RBFOX1: variants seen among roughly 807,000 people sequenced by gnomAD.
RBFOX1 encodes RNA binding fox-1 homolog 1, also known as RNA binding protein fox-1 homolog 1.
A neutral mutation model predicts 57.7 loss-of-function variants in RBFOX1; 8 were observed. The observed-to-expected ratio is 0.14, with a 90% confidence interval of 0.08 to 0.25. The LOEUF (loss-of-function observed/expected upper bound fraction) is 0.25. Among genes scored for constraint, RBFOX1 ranks in the 10% least tolerant of loss-of-function variants. RBFOX1 has a pLI of 1.00. For synonymous variants in RBFOX1, 326 were observed against 222.4 expected, an observed-to-expected ratio of 1.47 and a Z score of -4.15; for missense variants, 611 against 548.5, an observed-to-expected ratio of 1.11 and a Z score of -1.14.
chr16:5,426,340 G>GTTTTTAT (rs148474732), intron 1 of RBFOX1, among the ~76,000 whole-genome samples: 3 of 152,114 alleles, frequency 2.0e-5, no homozygotes, highest in African/African-American at 7.2e-5. Flanking sequence ...GTTGCTGAAT[G>GTTTTTAT]TTTTTATTTT....
chr16:6,212,553 A>T (rs2097305340), intron 1 of RBFOX1, among the ~76,000 whole-genome samples: 1 of 152,056 alleles, frequency 6.6e-6, no homozygotes, highest in Non-Finnish European at 1.5e-5. Flanking sequence ...TAAAAATACA[A>T]AAAATTAGTT....
chr16:6,632,675 C>T (rs1004926101), intron 2 of RBFOX1, among the ~76,000 whole-genome samples: 2 of 152,174 alleles, frequency 1.3e-5, no homozygotes, highest in South Asian at 2.1e-4. Context: ...TGATATCCGG[C>T]GAAGGCCTTC....
intron 4 of RBFOX1, among the ~76,000 whole-genome samples, chr16:7,510,845 T>C: frequency 6.6e-6 from 1 of 152,164 alleles, no homozygotes; most frequent in East Asian, 1.9e-4. Context: ...AGCCGCTGCT[T>C]TCCTGGGCTG....
chr16:5,240,112 G>C, intron 1 of RBFOX1: 1 of 1,513,176 alleles, frequency 6.6e-7, no homozygotes. Flanking sequence ...AGGAGTAAGT[G>C]ACGCGGGCGC....
chr16:5,314,406 C>T (rs967482896), intron 1 of RBFOX1, among the ~76,000 whole-genome samples: 1 of 152,240 alleles, frequency 6.6e-6, no homozygotes, highest in Non-Finnish European at 1.5e-5. Context: ...CTGTCCTTCT[C>T]TTGAGGGATC....
chr16:6,883,117 A>G (rs749203103), intron 3 of RBFOX1, among the ~76,000 whole-genome samples: 8 of 152,202 alleles, frequency 5.3e-5, no homozygotes, highest in Non-Finnish European at 7.3e-5. Flanking sequence ...GCTACAGTAT[A>G]TATCAAGCAG....
chr16:6,915,859 C>G (rs1430036162), intron 3 of RBFOX1, among the ~76,000 whole-genome samples: 1 of 152,118 alleles, frequency 6.6e-6, no homozygotes, highest in African/African-American at 2.4e-5. Context: ...GCCTTCATTC[C>G]TTTTTATAGT....
chr16:5,900,188 T>TG (rs988131777), intron 4 of RBFOX1, among the ~76,000 whole-genome samples: 4 of 152,220 alleles, frequency 2.6e-5, no homozygotes, highest in Admixed American at 2.6e-4. Flanking sequence ...CTCATTACAC[T>TG]CCAAATGTCA....
intron 13 of RBFOX1, among the ~76,000 whole-genome samples, chr16:7,675,801 G>A (rs1236418762): frequency 6.6e-6 from 1 of 152,084 alleles, no homozygotes; most frequent in East Asian, 1.9e-4. Flanking sequence ...GAGGATTATG[G>A]GACTGTGTGT....
chr16:7,314,750 C>T (rs1294705714), intron 4 of RBFOX1, among the ~76,000 whole-genome samples: 1 of 152,092 alleles, frequency 6.6e-6, no homozygotes, highest in Non-Finnish European at 1.5e-5. Context: ...GGGGAGAGGG[C>T]GAGTTGACTG....
chr16:7,187,545 C>T (rs1007217765), intron 4 of RBFOX1, among the ~76,000 whole-genome samples: 2 of 150,740 alleles, frequency 1.3e-5, no homozygotes, highest in African/African-American at 2.4e-5. Flanking sequence ...AAAAATTAGC[C>T]AGGCGTGGTG....
At chr16:6,130,298 A>G (rs1028373890) in intron 1 of RBFOX1, among the ~76,000 whole-genome samples, 7 of 152,258 alleles carry the variant, frequency 4.6e-5, no homozygotes, top group South Asian at 2.1e-4. Context: ...TATAGTTTTT[A>G]TATTTTAACA....
intron 3 of RBFOX1, among the ~76,000 whole-genome samples, chr16:7,013,849 G>C (rs1251968720): frequency 6.6e-6 from 1 of 151,928 alleles, no homozygotes; most frequent in Non-Finnish European, 1.5e-5. Context: ...GTAGAAATGG[G>C]GTCTCACCAT....
intron 1 of RBFOX1, among the ~76,000 whole-genome samples, chr16:6,220,003 C>A (rs1244147418): frequency 6.6e-6 from 1 of 152,140 alleles, no homozygotes; most frequent in Non-Finnish European, 1.5e-5. Flanking sequence ...TGTGTATCAT[C>A]CATCATCTAC....
chr16:5,488,067 GTGA>G (rs1223176120), intron 2 of RBFOX1, among the ~76,000 whole-genome samples: 14 of 152,040 alleles, frequency 9.2e-5, no homozygotes, highest in Non-Finnish European at 5.9e-5. Context: ...AGGTGTGATG[GTGA>G]TGATAATGGA....
At chr16:5,856,575 G>GTGTATATATATATATATATATATATATA (rs1192496608) in intron 3 of RBFOX1, among the ~76,000 whole-genome samples, 14 of 32,912 alleles carry the variant, frequency 4.3e-4, no homozygotes, top group Non-Finnish European at 5.7e-4. Flanking sequence ...GTGTGTGTGT[G>GTGTATATATATATATATATATATATATA]TATATATATA....
intron 3 of RBFOX1, among the ~76,000 whole-genome samples, chr16:6,743,891 G>A (rs1182332839): frequency 1.3e-5 from 2 of 149,548 alleles, no homozygotes; most frequent in African/African-American, 5.0e-5. Flanking sequence ...ATTAATTAAG[G>A]ATATTAACCA....
chr16:6,088,096 A>C (rs1045789277), intron 1 of RBFOX1, among the ~76,000 whole-genome samples: 72 of 152,196 alleles, frequency 4.7e-4, no homozygotes, highest in Non-Finnish European at 1.9e-4. Context: ...GAAGAGGTTC[A>C]CCGTCTCGTT....
chr16:6,905,629 C>T (rs184222193), intron 3 of RBFOX1, among the ~76,000 whole-genome samples: 61 of 152,038 alleles, frequency 4.0e-4, no homozygotes, highest in Admixed American at 6.6e-4. Flanking sequence ...GTGTTTATTC[C>T]AATTTTCCCC....
Sources: allele counts gnomAD v4.1 joint callset (sites outside exome capture counted in the v4.1 genomes callset), GRCh38; gene constraint gnomAD v4.1.1; transcripts MANE v1.5; gene names NCBI Gene and HGNC (gene_info 2026-07-23, HGNC 2026-07-21).